Variants in ABITRAM observed in about 807,000 individuals in gnomAD.
The protein encoded by ABITRAM is actin binding transcription modulator.
In ABITRAM, 19 loss-of-function variants were observed where a neutral mutation model predicts 22.9. The ratio of observed to expected loss-of-function variants is 0.83; its 90% CI spans 0.58 to 1.22. The LOEUF is 1.22. Ranked by LOEUF, ABITRAM falls within the 50% of genes most tolerant of loss-of-function variation. The probability of loss-of-function intolerance (pLI) is 0.00; values close to 1 mark genes in which losing one functional copy is unlikely to be tolerated. For missense variants in ABITRAM, 215 were observed against 220.2 expected (o/e 0.98, Z 0.15); for synonymous variants, 70 against 73.9 (o/e 0.95, Z 0.27).
intron 3 of ABITRAM, among the ~76,000 whole-genome samples, chr9:108,946,774 A>C (rs1254976959): frequency 6.6e-6 from 1 of 152,216 alleles, no homozygotes; most frequent in East Asian, 1.9e-4. Flanking sequence ...GAAGTATGCA[A>C]TTTTATGTTC....
At chr9:108,935,840 AGTTT>A (rs972899671) in intron 2 of ABITRAM, 151 bp downstream of exon 2, 129 of 603,746 alleles carry the variant, frequency 2.1e-4, no homozygotes, top group African/African-American at 2.0e-3. Flanking sequence ...TTATTATAGG[AGTTT>A]GTTTGGCAAG....
chr9:108,934,714 A>G (rs1297835867), intron 1 of ABITRAM, 149 bp downstream of exon 1: 2 of 769,982 alleles, frequency 2.6e-6, no homozygotes, highest in Admixed American at 3.6e-5. Flanking sequence ...GTCTAGCCCC[A>G]GGGAATGGCA....
chr9:108,943,790 A>G, downstream of ABITRAM: 1 of 1,613,680 alleles, frequency 6.2e-7, no homozygotes, highest in Non-Finnish European at 8.5e-7. Flanking sequence ...TTTCCAGGAG[A>G]AGCATAAGCT....
At position 108,939,442 on chromosome 9, in the gene ABITRAM, T is replaced by C. The variant is rs144065215; in HGVS notation, c.396T>C (p.Ile132=). The C allele has an allele frequency of 2.5e-6, 4 of 1,610,274 alleles. No individual in the cohort carries two copies. Among genetic ancestry groups the C allele is most frequent in the Non-Finnish European group, 1.7e-6 (2 of 1,179,078 alleles). ...AAAACATCCTCCATAAGCCATCTAT[T>C]CTTCAAGAAAAGGTAAAAGAGAGAG... is the stretch of plus-strand genomic sequence containing the variant. ...VNENILHKPS[I]LQEKPSTEGY... is the part of the protein sequence containing the mutation. Residue 132 remains isoleucine (I), a synonymous_variant, in exon 5 of 6, where the codon ATT becomes ATC. Transcript: ENST00000322940.
rs114179366 is a variant in ABITRAM at position 108,935,335 on chromosome 9, G to A, written c.80-303G>A. On this transcript the variant is annotated intron_variant, in intron 1 of 5. Transcript: ENST00000322940. The stretch of plus-strand genomic sequence containing the variant: ...AAATATATATCATAAAGAACGGGAT[G>A]CTAATTGCATTTTCCTAGCAAAAAT... Among the ~76,000 whole-genome samples, 736 of 152,290 alleles carry A rather than the reference G, an allele frequency of 4.8e-3. 4 individuals are homozygous for A. The highest frequency in any genetic ancestry group is 0.017 in the African/African-American group (701 of 41,552).
At chr9:108,944,688 A>G (rs935561487), downstream of ABITRAM, among the ~76,000 whole-genome samples, 1 of 152,186 alleles carries the variant, frequency 6.6e-6, no homozygotes, top group Admixed American at 6.5e-5. Flanking sequence ...CCAGGGGAGT[A>G]AAGGGAGGAA....
rs775728990 is a variant in ABITRAM at position 108,936,370 on chromosome 9, GC to G, written c.195del (p.Ser65ArgfsTer28). On this transcript the variant is annotated frameshift_variant, in exon 3 of 6. Coordinates refer to ENST00000322940, the MANE Select transcript of ABITRAM (RefSeq NM_017832.4). LOFTEE classifies it high-confidence loss of function. ...CTTCAAAGTGGAAAAACAATTAAAAGCATTTCCTATCAGATCAGTACCAACT... is the reference window on the plus strand; with the variant it reads ...CTTCAAAGTGGAAAAACAATTAAAAGATTTCCTATCAGATCAGTACCAACT... The part of the protein sequence containing the change: ...PVLQSGKTIK[S>X]ISYQISTNCS... 1.1e-5 allele frequency: 17 copies of G among 1,613,994 alleles called. No individual in the cohort carries two copies. The highest frequency in any genetic ancestry group is 1.4e-5 in the Non-Finnish European group (17 of 1,179,966).
downstream of ABITRAM, chr9:108,944,100 C>T (rs773098535): frequency 1.8e-5 from 24 of 1,320,584 alleles, no homozygotes; most frequent in African/African-American, 9.0e-5. Context: ...ATAATTTTTA[C>T]GTAGAATTTT....
chr9:108,938,907 G>A (rs1830222566), intron 3 of ABITRAM, among the ~76,000 whole-genome samples: 1 of 151,990 alleles, frequency 6.6e-6, no homozygotes, highest in South Asian at 2.1e-4. Flanking sequence ...CTTTATACCT[G>A]GTTATATGTA....
chr9:108,943,457 C>G (rs540957854), downstream of ABITRAM, among the ~76,000 whole-genome samples: 20 of 152,266 alleles, frequency 1.3e-4, no homozygotes, highest in African/African-American at 4.3e-4. Context: ...GAGGTAATGA[C>G]TTCAGAATTG....
intron 3 of ABITRAM, among the ~76,000 whole-genome samples, chr9:108,947,115 CTTT>C (rs34477684): frequency 3.7e-5 from 5 of 136,260 alleles, no homozygotes; most frequent in African/African-American, 5.4e-5. Flanking sequence ...AAATTTCTTT[CTTT>C]TTTTTTTTTT....
At position 108,939,724 on chromosome 9, in the gene ABITRAM, T is replaced by A; in HGVS notation, c.*38T>A. ...AACAAAAAGCAAAGTGGGATTCTTGTTACCTGGCCTAAACCATCAGGGTAC... is the reference window on the plus strand; with the variant it reads ...AACAAAAAGCAAAGTGGGATTCTTGATACCTGGCCTAAACCATCAGGGTAC... On this transcript the variant is annotated 3_prime_UTR_variant, in exon 6 of 6. Transcript: ENST00000322940. 2.5e-6 allele frequency: 4 copies of A among 1,608,748 alleles called. No individual in the cohort carries two copies. Among genetic ancestry groups the A allele is most frequent in the Non-Finnish European group, 3.4e-6 (4 of 1,177,218 alleles).
chr9:108,949,982 C>T (rs1830512710), intron 3 of ABITRAM, among the ~76,000 whole-genome samples: 1 of 150,142 alleles, frequency 6.7e-6, no homozygotes, highest in Admixed American at 6.6e-5. Flanking sequence ...CGAGATCATG[C>T]CACTGCACTC....
rs1319862460 is a variant in ABITRAM at position 108,939,980 on chromosome 9, TGAA to T, written c.*300_*302del. 2 of 290,828 alleles carry T rather than the reference TGAA, an allele frequency of 6.9e-6. No individual in the cohort carries two copies. Among genetic ancestry groups the T allele is most frequent in the African/African-American group, 4.4e-5 (2 of 45,950 alleles). The allele number at this position is 290,828 out of a possible 1,614,324, so 18.0% of individuals were successfully genotyped here. ...CTGATTAAAAACAAACAAAGCTCTTTGAAGAAGATTTAGAAAATACAGAAGAGT... is the reference window on the plus strand; with the variant it reads ...CTGATTAAAAACAAACAAAGCTCTTTGAAGATTTAGAAAATACAGAAGAGT... On this transcript the variant is annotated 3_prime_UTR_variant, in exon 6 of 6. Coordinates refer to ENST00000322940, the MANE Select transcript of ABITRAM (RefSeq NM_017832.4).
chr9:108,949,595 G>A (rs1048438301), intron 3 of ABITRAM, among the ~76,000 whole-genome samples: 2 of 152,196 alleles, frequency 1.3e-5, no homozygotes, highest in African/African-American at 4.8e-5. Flanking sequence ...TGTAATCCCA[G>A]CACTTTGGGA....
At chr9:108,945,864 T>C (rs1830389876), downstream of ABITRAM, among the ~76,000 whole-genome samples, 1 of 152,186 alleles carries the variant, frequency 6.6e-6, no homozygotes, top group Non-Finnish European at 1.5e-5. Context: ...GTGTATATCC[T>C]ATCTGACCTT....
At chr9:108,939,091 A>G in intron 3 of ABITRAM, 105 bp from the exon 4 acceptor site, 1 of 895,702 alleles carries the variant, frequency 1.1e-6, no homozygotes, top group East Asian at 2.4e-5. Flanking sequence ...AACTGATTTA[A>G]AACACCAGTT....
downstream of ABITRAM, among the ~76,000 whole-genome samples, chr9:108,943,344 C>T (rs1830302734): frequency 6.6e-6 from 1 of 152,194 alleles, no homozygotes; most frequent in South Asian, 2.1e-4. Flanking sequence ...AATTAAATCC[C>T]ATCCTTTGCA....
chr9:108,935,784 A>G (rs1830175812), intron 2 of ABITRAM, 95 bp downstream of exon 2: 1 of 767,176 alleles, frequency 1.3e-6, no homozygotes, highest in South Asian at 1.6e-5. Context: ...ACAAATGTTC[A>G]CTAAACAAAC....
Sources: allele counts gnomAD v4.1 joint callset (sites outside exome capture counted in the v4.1 genomes callset), GRCh38; gene constraint gnomAD v4.1.1; transcripts MANE v1.5; gene names NCBI Gene and HGNC (gene_info 2026-07-23, HGNC 2026-07-21).